DGKD: variants seen among roughly 807,000 people sequenced by gnomAD.
DGKD encodes diacylglycerol kinase delta, also known as DAG kinase delta.
Under a neutral mutation model 154.4 loss-of-function variants are expected in DGKD, and 68 were observed. The observed-to-expected ratio is 0.44, with a 90% CI of 0.36 to 0.54. The LOEUF (loss-of-function observed/expected upper bound fraction) is 0.54, where lower values mean the gene tolerates loss of function less well. Among genes scored for constraint, DGKD ranks in the 20% least tolerant of loss-of-function variants. DGKD has a pLI of 0.00. For missense variants in DGKD, 1,343 were observed against 1,593.6 expected (o/e 0.84, Z 2.68); for synonymous variants, 693 against 638.0 (o/e 1.09, Z -1.30).
rs540778880 is a variant in DGKD at position 233,455,295 on chromosome 2, G to A, written c.2375+422G>A. Among the ~76,000 whole-genome samples the A allele has an allele frequency of 5.3e-5, 8 of 152,320 alleles. No individual in the cohort carries two copies. The South Asian group carries it at 8.3e-4, about 16-fold the overall frequency. On this transcript the variant is annotated intron_variant, in intron 19 of 29. Transcript: ENST00000264057. The stretch of plus-strand genomic sequence containing the variant: ...CATCACACCCGAGCCTGCCCACAAG[G>A]CCCTTGAGTCCAACCTCTGCAGGAA...
chr2:233,421,354 C>T (rs1180342411), intron 3 of DGKD, among the ~76,000 whole-genome samples: 7 of 152,212 alleles, frequency 4.6e-5, no homozygotes, highest in East Asian at 1.9e-4. Flanking sequence ...CCTGCCCACT[C>T]TCCTCACCAT....
Position 233,438,412 on chromosome 2 carries a change from G to A in DGKD, c.1085+33G>A, listed in dbSNP as rs370481507. On this transcript the variant is annotated intron_variant, in intron 9 of 29. Coordinates refer to ENST00000264057, the MANE Select transcript of DGKD (RefSeq NM_152879.3). This position sits in a 1 kb window ranked among gnomAD's most constrained non-coding sequence, Gnocchi z 4.1. The stretch of plus-strand genomic sequence containing the variant: ...GCTTGTAAAATATATCTTTCTTGGA[G>A]TTTTAAAAATTGTGTAGATAGTGTG... The A allele has an allele frequency of 3.7e-5, 59 of 1,573,714 alleles. No individual in the cohort carries two copies. The African/African-American group carries it at 5.5e-4, about 15-fold the overall frequency.
chr2:233,435,927 A>G lies in DGKD; in HGVS notation c.693+3A>G. The G allele has an allele frequency of 6.2e-7, 1 of 1,603,548 alleles. No individual in the cohort carries two copies. Among genetic ancestry groups the G allele is most frequent in the East Asian group, 2.2e-5 (1 of 44,716 alleles). ...ACATCATTGAAGATGCAGATGGGGT[A>G]TGTTAAGAAATACCACCTGTGGGGC... is the stretch of plus-strand genomic sequence containing the variant. On this transcript the variant is annotated splice_donor_region_variant and intron_variant, in intron 6 of 29. Transcript: ENST00000264057.
rs1017223172 is a variant in DGKD, at chr2:233,414,547, A to G, written c.349-19833A>G. On this transcript the variant is annotated intron_variant, in intron 3 of 29. Coordinates refer to ENST00000264057, the MANE Select transcript of DGKD (RefSeq NM_152879.3). ...TGCCTTGGATGAGGTGACTTGGCCAACTGTCTTGTGGCCCCAGCTCCTGAC... is the reference window on the plus strand; with the variant it reads ...TGCCTTGGATGAGGTGACTTGGCCAGCTGTCTTGTGGCCCCAGCTCCTGAC... Among the ~76,000 whole-genome samples the G allele has an allele frequency of 2.6e-5, 4 of 152,180 alleles. No individual in the cohort carries two copies. In the East Asian group the frequency reaches 5.8e-4, roughly 22 times the overall value.
chr2:233,451,417 C>T (rs768884992), intron 17 of DGKD, among the ~76,000 whole-genome samples: 7 of 152,034 alleles, frequency 4.6e-5, no homozygotes, highest in Non-Finnish European at 8.8e-5. Flanking sequence ...TCGCAGGAGG[C>T]GCAGGGAGGG....
chr2:233,469,226 C>G, intron 29 of DGKD, 145 bp from the exon 30 acceptor site: 1 of 678,348 alleles, frequency 1.5e-6, no homozygotes, highest in Non-Finnish European at 2.6e-6. Flanking sequence ...TAAGCTGTTT[C>G]CATCTTGTTT....
At chr2:233,377,400 T>A (rs1702635904) in intron 1 of DGKD, among the ~76,000 whole-genome samples, 1 of 152,212 alleles carries the variant, frequency 6.6e-6, no homozygotes, top group Non-Finnish European at 1.5e-5. Flanking sequence ...TAGCATGTTC[T>A]ATGCATGTTC....
intron 1 of DGKD, among the ~76,000 whole-genome samples, chr2:233,358,274 G>A (rs1014843942): frequency 2.0e-5 from 3 of 152,216 alleles, no homozygotes; most frequent in Non-Finnish European, 4.4e-5. Context: ...AAAGCTATCA[G>A]TTAAAAGAGT....
At chr2:233,427,986 A>G (rs1223409723) in intron 3 of DGKD, among the ~76,000 whole-genome samples, 2 of 152,158 alleles carry the variant, frequency 1.3e-5, no homozygotes, top group African/African-American at 4.8e-5. Flanking sequence ...GGTCCTTCCT[A>G]CCCATGCTGT....
At position 233,441,218 on chromosome 2, in the gene DGKD, G is replaced by A. The variant is rs948632315; in HGVS notation, c.1086-669G>A. ...TGGGGACGCTGCTGGGCAGGGGCAG[G>A]GGGAGCCCAGGAAGGAAGGAAACCG... is the stretch of plus-strand genomic sequence containing the variant. On this transcript the variant is annotated intron_variant, in intron 9 of 29. Coordinates refer to ENST00000264057, the MANE Select transcript of DGKD (RefSeq NM_152879.3). The surrounding 1 kb of genome is among the most constrained non-coding windows in gnomAD (Gnocchi z 5.6). Among the ~76,000 whole-genome samples the A allele has an allele frequency of 6.6e-6, 1 of 152,160 alleles. No homozygotes were observed. The highest frequency in any genetic ancestry group is 1.5e-5 in the Non-Finnish European group (1 of 68,030).
At chr2:233,374,474 A>T (rs1702472518) in intron 1 of DGKD, among the ~76,000 whole-genome samples, 2 of 152,128 alleles carry the variant, frequency 1.3e-5, no homozygotes, top group African/African-American at 4.8e-5. Flanking sequence ...GGCTAGGACT[A>T]CAGGTATGGG....
At chr2:233,399,900 G>A (rs1047078677) in intron 3 of DGKD, among the ~76,000 whole-genome samples, 1 of 152,148 alleles carries the variant, frequency 6.6e-6, no homozygotes, top group Non-Finnish European at 1.5e-5. Flanking sequence ...CAGGGTCCAT[G>A]CTTCTGCTGT....
intron 3 of DGKD, among the ~76,000 whole-genome samples, chr2:233,404,208 G>C (rs766366642): frequency 6.6e-6 from 1 of 151,976 alleles, no homozygotes; most frequent in South Asian, 2.1e-4. Flanking sequence ...TGTAATGATC[G>C]TTTTTTATGG....
chr2:233,438,534 A>C lies in DGKD; in HGVS notation c.1085+155A>C, dbSNP rs576092167. ...CCAAATTGCACTTGCAGAGGTGCCC[A>C]CTCTTAATAGAGGTGCATGGCCTTC... On this transcript the variant is annotated intron_variant, in intron 9 of 29. Coordinates refer to ENST00000264057, the MANE Select transcript of DGKD (RefSeq NM_152879.3). This position sits in a 1 kb window ranked among gnomAD's most constrained non-coding sequence, Gnocchi z 4.1. 3.9e-5 allele frequency among the ~76,000 whole-genome samples: 6 copies of C among 152,088 alleles called. No homozygotes were observed. Among genetic ancestry groups the C allele is most frequent in the Admixed American group, 3.3e-4 (5 of 15,258 alleles).
At chr2:233,469,342 C>T in intron 29 of DGKD, 29 bp from the exon 30 acceptor site, 1 of 1,587,912 alleles carries the variant, frequency 6.3e-7, no homozygotes, top group Non-Finnish European at 8.6e-7. Context: ...GTCTTCTCGG[C>T]ATCCATGGCG....
In DGKD at chr2:233,441,824, A is replaced by G. The variant is rs1167206462; in HGVS notation, c.1086-63A>G. The G allele has an allele frequency of 3.3e-6, 5 of 1,521,312 alleles. No individual in the cohort carries two copies. The African/African-American group carries it at 4.1e-5, about 12-fold the overall frequency. 94.2% of individuals were successfully genotyped at this position (1,521,312 alleles called of 1,614,324 possible). On this transcript the variant is annotated intron_variant, in intron 9 of 29. Coordinates refer to ENST00000264057, the MANE Select transcript of DGKD (RefSeq NM_152879.3). This position sits in a 1 kb window ranked among gnomAD's most constrained non-coding sequence, Gnocchi z 5.6. ...CAGGTGGCCCCTCAGCCCCGTACTG[A>G]CAAGCCTGTCATTTGTCCTGTGGAA...
chr2:233,356,078 G>T (rs576343024), intron 1 of DGKD, among the ~76,000 whole-genome samples: 6 of 152,178 alleles, frequency 3.9e-5, no homozygotes, highest in African/African-American at 1.4e-4. Context: ...TGTAAGTGCC[G>T]CGGAAACTCG....
chr2:233,418,850 G>A (rs2062028049), intron 3 of DGKD, among the ~76,000 whole-genome samples: 2 of 152,342 alleles, frequency 1.3e-5, no homozygotes, highest in South Asian at 4.1e-4. Context: ...CTGGTGGGCT[G>A]GGCGGGGTCT....
chr2:233,455,152 C>T (rs1009164666), intron 19 of DGKD, among the ~76,000 whole-genome samples: 6 of 152,198 alleles, frequency 3.9e-5, no homozygotes, highest in African/African-American at 7.2e-5. Context: ...GCCCCAAGTC[C>T]GTGATACTAC....
Sources: allele counts gnomAD v4.1 joint callset (sites outside exome capture counted in the v4.1 genomes callset), GRCh38; gene constraint gnomAD v4.1.1; non-coding constraint Gnocchi (gnomAD v3.1); transcripts MANE v1.5; gene names NCBI Gene and HGNC (gene_info 2026-07-23, HGNC 2026-07-21).